TESC: variants seen among roughly 807,000 people sequenced by gnomAD.
TESC encodes calcineurin B homologous protein 3.
In TESC, 19 loss-of-function variants were observed where a neutral mutation model predicts 31.0. The ratio of observed to expected loss-of-function variants is 0.61; its 90% CI spans 0.43 to 0.90. TESC has a LOEUF of 0.90. TESC is among the 40% of genes least tolerant of loss of function. TESC has a pLI of 0.00. For missense variants in TESC, 248 were observed against 303.8 expected (o/e 0.82, Z 1.36); for synonymous variants, 109 against 114.8 (o/e 0.95, Z 0.32).
chr12:117,044,533 C>A (rs944764129), intron 6 of TESC, among the ~76,000 whole-genome samples: 19 of 152,162 alleles, frequency 1.2e-4, no homozygotes, highest in African/African-American at 4.3e-4. Context: ...GGAAGCAGCC[C>A]CGGCTGAATG....
At chr12:117,068,468 G>T (rs1434779669) in intron 2 of TESC, among the ~76,000 whole-genome samples, 5 of 152,210 alleles carry the variant, frequency 3.3e-5, no homozygotes, top group African/African-American at 1.2e-4. Flanking sequence ...CGGGGAGGTT[G>T]CAGTGAGCCA....
At chr12:117,063,220 C>T (rs1381567946) in intron 2 of TESC, among the ~76,000 whole-genome samples, 4 of 152,170 alleles carry the variant, frequency 2.6e-5, no homozygotes, top group Non-Finnish European at 4.4e-5. Context: ...GCGCGGGACT[C>T]CAGCTCTGCC....
chr12:117,062,076 A>C (rs1954806571), intron 2 of TESC, among the ~76,000 whole-genome samples: 1 of 152,214 alleles, frequency 6.6e-6, no homozygotes, highest in South Asian at 2.1e-4. Flanking sequence ...TAATCGCTGC[A>C]GCAGTATTAA....
intron 1 of TESC, among the ~76,000 whole-genome samples, chr12:117,093,128 C>T (rs533350044): frequency 9.2e-5 from 14 of 152,272 alleles, no homozygotes; most frequent in Non-Finnish European, 1.6e-4. Flanking sequence ...CCCTTCCTCC[C>T]GCTATGCTAC....
intron 2 of TESC, among the ~76,000 whole-genome samples, chr12:117,070,857 G>T (rs1593011295): frequency 6.6e-6 from 1 of 152,266 alleles, no homozygotes; most frequent in East Asian, 1.9e-4. Flanking sequence ...TGTAGTCCCA[G>T]CTACTCAGGA....
chr12:117,073,031 G>A (rs903474968), intron 2 of TESC, among the ~76,000 whole-genome samples: 1 of 152,196 alleles, frequency 6.6e-6, no homozygotes, highest in African/African-American at 2.4e-5. Context: ...GCACGCCCTT[G>A]ACACTGTTTT....
At chr12:117,096,920 T>C (rs182003416) in intron 1 of TESC, among the ~76,000 whole-genome samples, 67 of 152,288 alleles carry the variant, frequency 4.4e-4, no homozygotes, top group African/African-American at 1.6e-3. Context: ...TCATTCTTAC[T>C]TGGATTTCTG....
intron 2 of TESC, among the ~76,000 whole-genome samples, chr12:117,074,767 T>C (rs1244894225): frequency 6.6e-6 from 1 of 152,230 alleles, no homozygotes; most frequent in Non-Finnish European, 1.5e-5. Context: ...GCTTCCACGA[T>C]AGTTATAATT....
At chr12:117,061,239 G>A (rs10850752) in intron 2 of TESC, among the ~76,000 whole-genome samples, 68,087 of 152,132 alleles carry the variant, frequency 0.45, 17,633 homozygotes, top group African/African-American at 0.72. Context: ...CCCGTCCTCA[G>A]TGCCTTGCAC....
At chr12:117,049,295 C>T (rs1954613528) in intron 3 of TESC, 137 bp from the exon 4 acceptor site, 6 of 1,256,752 alleles carry the variant, frequency 4.8e-6, no homozygotes, top group Non-Finnish European at 5.5e-6. Context: ...TGCGTCTGTG[C>T]CCCAAGAACC....
intron 1 of TESC, 28 bp downstream of exon 1, chr12:117,099,197 C>A: frequency 1.4e-6 from 2 of 1,478,304 alleles, no homozygotes; most frequent in Non-Finnish European, 1.8e-6. Context: ...CCGCCCCGGT[C>A]CCCGCGCCGC....
chr12:117,043,566 T>C (rs1042666808), intron 6 of TESC, among the ~76,000 whole-genome samples: 1 of 152,172 alleles, frequency 6.6e-6, no homozygotes, highest in East Asian at 1.9e-4. Context: ...TTCAAGTGAT[T>C]CTCTTGCCTC....
At chr12:117,083,617 C>T (rs147111947) in intron 1 of TESC, among the ~76,000 whole-genome samples, 2 of 152,292 alleles carry the variant, frequency 1.3e-5, no homozygotes, top group African/African-American at 2.4e-5. Context: ...AATAATCACA[C>T]GATGTGAAAG....
intron 1 of TESC, among the ~76,000 whole-genome samples, chr12:117,083,012 G>A (rs745486490): frequency 5.9e-5 from 9 of 151,592 alleles, no homozygotes; most frequent in Non-Finnish European, 1.0e-4. Context: ...TACAACCACC[G>A]TGGAAAACAG....
rs1380376253 is a variant in TESC at position 117,099,373 on chromosome 12, G to C, written c.-91C>G. 9.6e-6 allele frequency: 12 copies of C among 1,255,700 alleles called. No individual in the cohort carries two copies. The highest frequency in any genetic ancestry group is 3.2e-5 in the African/African-American group (2 of 63,454). 77.8% of individuals were successfully genotyped at this position (1,255,700 alleles called of 1,614,324 possible). ...AGCGGCGGGACTGGCCTCGGGTCCG[G>C]CCTCGGGTCGGGACGCCGGCGAAGG... On this transcript the variant is annotated 5_prime_UTR_variant, in exon 1 of 8. Transcript: ENST00000335209.
intron 1 of TESC, among the ~76,000 whole-genome samples, chr12:117,094,914 G>T (rs544480591): frequency 1.3e-5 from 2 of 150,992 alleles, no homozygotes; most frequent in Non-Finnish European, 3.0e-5. Context: ...TACTCACGAG[G>T]CTGAGGCAGG....
chr12:117,075,847 G>GTGTA (rs1309778368), intron 1 of TESC, among the ~76,000 whole-genome samples: 40 of 67,194 alleles, frequency 6.0e-4, no homozygotes, highest in African/African-American at 2.4e-3. Context: ...GTGTGTGTGT[G>GTGTA]TATATATATA....
chr12:117,049,415 G>A (rs760780955), intron 3 of TESC, among the ~76,000 whole-genome samples: 6 of 152,218 alleles, frequency 3.9e-5, no homozygotes, highest in Admixed American at 1.3e-4. Context: ...CTGCGTGACC[G>A]TTGATTCAGG....
At chr12:117,066,272 T>G (rs1430161947) in intron 2 of TESC, among the ~76,000 whole-genome samples, 1 of 144,578 alleles carries the variant, frequency 6.9e-6, no homozygotes, top group Non-Finnish European at 1.5e-5. Flanking sequence ...AGTGGTGCGA[T>G]TTTGGCTCAC....
Sources: gnomAD v4.1 joint callset for allele counts (sites outside exome capture counted in the v4.1 genomes callset) on GRCh38, gnomAD v4.1.1 for gene constraint, MANE v1.5 for transcripts, NCBI Gene and HGNC (gene_info 2026-07-23, HGNC 2026-07-21) for gene names.